The following DENND6A variants were observed in gnomAD, a reference collection of about 807,000 sequenced individuals.
DENND6A encodes the protein protein DENND6A.
Under a neutral mutation model 95.5 loss-of-function variants are expected in DENND6A, and 43 were observed. The observed-to-expected ratio is 0.45, with a 90% CI of 0.35 to 0.58. DENND6A has a LOEUF of 0.58. Ranked by LOEUF, DENND6A falls within the 20% of genes least tolerant of loss-of-function variation. DENND6A has a pLI of 0.00. For synonymous variants in DENND6A, 257 were observed against 260.4 expected (o/e 0.99, Z 0.13); for missense variants, 574 against 736.0 (o/e 0.78, Z 2.55).
rs71088101 is a variant in DENND6A at position 57,677,419 on chromosome 3, CTTTTTTTTT to C, written c.238-4990_238-4982del. On this transcript the variant is annotated intron_variant, in intron 1 of 19. Coordinates refer to ENST00000311128, the MANE Select transcript of DENND6A (RefSeq NM_152678.3). ...GCCAGTTTGGGCTAACTTTGTTGTC[CTTTTTTTTT>C]TTTTTTTTTTTTTTTTGAGACAGAG... Among the ~76,000 whole-genome samples the C allele has an allele frequency of 8.7e-5, 6 of 68,708 alleles. No individual in the cohort carries two copies. The Admixed American group carries it at 1.1e-3, about 13-fold the overall frequency. 45.1% of individuals were successfully genotyped at this position (68,708 alleles called of 152,430 possible).
At chr3:57,661,340 G>T in intron 6 of DENND6A, 106 bp downstream of exon 6, 1 of 884,014 alleles carries the variant, frequency 1.1e-6, no homozygotes, top group African/African-American at 1.8e-5. Flanking sequence ...TATTCCTTAA[G>T]TTCCTACCTG....
At chr3:57,686,171 T>C (rs911506081) in intron 1 of DENND6A, among the ~76,000 whole-genome samples, 1 of 152,216 alleles carries the variant, frequency 6.6e-6, no homozygotes, top group Non-Finnish European at 1.5e-5. Context: ...TCATTTTCAA[T>C]AAGCATTAAC....
rs1238331505 is a variant in DENND6A at position 57,663,150 on chromosome 3, TC to T, written c.513+485del. Among the ~76,000 whole-genome samples the T allele has an allele frequency of 3.2e-4, 15 of 46,564 alleles. No individual in the cohort carries two copies. In the East Asian group the frequency reaches 7.9e-3, roughly 25 times the overall value. 30.5% of individuals were successfully genotyped at this position (46,564 alleles called of 152,430 possible). On this transcript the variant is annotated intron_variant, in intron 5 of 19. Coordinates refer to ENST00000311128, the MANE Select transcript of DENND6A (RefSeq NM_152678.3). ...TGGGCGACAAGAGCAAAACTCCATA[TC>T]AAAAAAAAAAAAAAAAAAAAAAATC... is the stretch of plus-strand genomic sequence containing the variant.
rs534686440 is a variant in DENND6A, at chr3:57,642,263, G to A, written c.1038-516C>T. Among the ~76,000 whole-genome samples, 15 of 141,636 alleles carry A rather than the reference G, an allele frequency of 1.1e-4. No individual in the cohort carries two copies. In the East Asian group the frequency reaches 3.1e-3, roughly 30 times the overall value. 92.9% of individuals were successfully genotyped at this position (141,636 alleles called of 152,430 possible). Reference sequence around the variant, plus strand: ...CAGGAGGCGGAGGTTGCAGTGAGCTGAGATTGCATCACTGCACTCCAGCCT... The same window carrying A: ...CAGGAGGCGGAGGTTGCAGTGAGCTAAGATTGCATCACTGCACTCCAGCCT... On this transcript the variant is annotated intron_variant, in intron 11 of 19. Coordinates refer to ENST00000311128, the MANE Select transcript of DENND6A (RefSeq NM_152678.3).
intron 1 of DENND6A, among the ~76,000 whole-genome samples, chr3:57,684,546 G>C (rs1292456617): frequency 6.6e-6 from 1 of 152,102 alleles, no homozygotes; most frequent in Non-Finnish European, 1.5e-5. Context: ...GACTGTGGGA[G>C]GCTGAGGCAG....
At chr3:57,647,303 C>CA (rs1318135021) in intron 9 of DENND6A, among the ~76,000 whole-genome samples, 6 of 152,156 alleles carry the variant, frequency 3.9e-5, no homozygotes, top group South Asian at 2.1e-4. Context: ...CAAACAACAA[C>CA]AAAAAAACAG....
At chr3:57,642,510 G>A (rs978366882) in intron 11 of DENND6A, among the ~76,000 whole-genome samples, 5 of 151,996 alleles carry the variant, frequency 3.3e-5, no homozygotes, top group African/African-American at 9.7e-5. Flanking sequence ...GTGACATTAT[G>A]GCCTGTCTGT....
In DENND6A at chr3:57,663,765, G is replaced by A. The variant is rs898712830; in HGVS notation, c.433-49C>T. 6 of 1,158,544 alleles carry A rather than the reference G, an allele frequency of 5.2e-6. No homozygotes were observed. The African/African-American group carries it at 9.4e-5, about 18-fold the overall frequency. 71.8% of individuals were successfully genotyped at this position (1,158,544 alleles called of 1,614,324 possible). On this transcript the variant is annotated intron_variant, in intron 4 of 19. Coordinates refer to ENST00000311128, the MANE Select transcript of DENND6A (RefSeq NM_152678.3). ...TGTGTGTGGGGGGGTACATATATAT[G>A]TATCTATATCTATATCCATATCTAT... is the stretch of plus-strand genomic sequence containing the variant.
Position 57,663,692 on chromosome 3 carries a change from A to T in DENND6A, c.457T>A (p.Tyr153Asn). ...TCTCGAACTTGTCGGAAATACACATATCCATAAAAATAAGCAGGATCCTTC... is the reference window on the plus strand; with the variant it reads ...TCTCGAACTTGTCGGAAATACACATTTCCATAAAAATAAGCAGGATCCTTC... Reference protein sequence around the residue: ...LKKDPAYFYGYVYFRQVRDKT... With the variant: ...LKKDPAYFYGNVYFRQVRDKT... Residue 153 changes from tyrosine to asparagine, a missense_variant, in exon 5 of 20, where the codon TAT becomes AAT. Coordinates refer to ENST00000311128, the MANE Select transcript of DENND6A (RefSeq NM_152678.3). 6.3e-7 allele frequency: 1 copy of T among 1,581,950 alleles called. No individual in the cohort carries two copies. The highest frequency in any genetic ancestry group is 8.6e-7 in the Non-Finnish European group (1 of 1,162,188).
chr3:57,660,492 G>A (rs913678574), intron 7 of DENND6A, among the ~76,000 whole-genome samples: 1 of 152,070 alleles, frequency 6.6e-6, no homozygotes, highest in Admixed American at 6.6e-5. Flanking sequence ...CTGTCCAAAA[G>A]TTCTTTAAAA....
At chr3:57,646,710 T>C (rs1185632340) in intron 9 of DENND6A, among the ~76,000 whole-genome samples, 1 of 152,266 alleles carries the variant, frequency 6.6e-6, no homozygotes, top group Non-Finnish European at 1.5e-5. Context: ...AATAAAAGCA[T>C]ATAATTCTCA....
chr3:57,656,160 A>G (rs538099568), intron 9 of DENND6A, among the ~76,000 whole-genome samples: 30 of 152,300 alleles, frequency 2.0e-4, no homozygotes, highest in African/African-American at 6.7e-4. Context: ...ACCTCACGAA[A>G]TGCCCGCAGC....
chr3:57,655,852 C>T (rs544281600), intron 9 of DENND6A, among the ~76,000 whole-genome samples: 2 of 152,154 alleles, frequency 1.3e-5, no homozygotes, highest in South Asian at 2.1e-4. Flanking sequence ...AACAATAAAG[C>T]GTAAGACTCA....
At chr3:57,682,508 G>C (rs573076264) in intron 1 of DENND6A, among the ~76,000 whole-genome samples, 4 of 152,096 alleles carry the variant, frequency 2.6e-5, no homozygotes, top group Admixed American at 2.6e-4. Context: ...GGAAATAAGT[G>C]ATTTCTATTG....
chr3:57,657,593 T>C, intron 9 of DENND6A, 87 bp downstream of exon 9: 1 of 853,964 alleles, frequency 1.2e-6, no homozygotes, highest in East Asian at 2.8e-5. Context: ...TTTTTCCACA[T>C]CCTATATAAT....
chr3:57,626,334 C>T lies in DENND6A; in HGVS notation c.*1880G>A, dbSNP rs1049639214. 3.9e-5 allele frequency: 6 copies of T among 152,536 alleles called. No individual in the cohort carries two copies. Among genetic ancestry groups the T allele is most frequent in the African/African-American group, 1.4e-4 (6 of 41,548 alleles). The allele number at this position is 152,536 out of a possible 1,614,324, so 9.4% of individuals were successfully genotyped here. The stretch of plus-strand genomic sequence containing the variant: ...TCTGAAGCCATATCCTTTACAAATA[C>T]ATACAACTAAATTTGGTTATTTAGA... On this transcript the variant is annotated 3_prime_UTR_variant, in exon 20 of 20. Coordinates refer to ENST00000311128, the MANE Select transcript of DENND6A (RefSeq NM_152678.3).
At chr3:57,689,668 G>A (rs2077243104) in intron 1 of DENND6A, among the ~76,000 whole-genome samples, 1 of 152,134 alleles carries the variant, frequency 6.6e-6, no homozygotes, top group Non-Finnish European at 1.5e-5. Flanking sequence ...GTAGGAACCT[G>A]CCCCAAACCA....
intron 9 of DENND6A, among the ~76,000 whole-genome samples, chr3:57,650,421 T>C (rs976039740): frequency 6.0e-5 from 9 of 149,870 alleles, no homozygotes; most frequent in Non-Finnish European, 1.3e-4. Context: ...TGCATTTACA[T>C]ACACACACAC....
chr3:57,675,934 C>G (rs2071701034), intron 1 of DENND6A, among the ~76,000 whole-genome samples: 1 of 152,062 alleles, frequency 6.6e-6, no homozygotes. Context: ...AAACATTATA[C>G]CGGAGGTGCC....
Sources: gnomAD v4.1 joint callset for allele counts (sites outside exome capture counted in the v4.1 genomes callset) on GRCh38, gnomAD v4.1.1 for gene constraint, MANE v1.5 for transcripts, NCBI Gene and HGNC (gene_info 2026-07-23, HGNC 2026-07-21) for gene names.